ADGRG7: variants seen among roughly 807,000 people sequenced by gnomAD.
The protein encoded by ADGRG7 is adhesion G protein-coupled receptor G7, also known as G-protein coupled receptor 128.
In ADGRG7, 82 loss-of-function variants were observed where a neutral mutation model predicts 88.6. The ratio of observed to expected loss-of-function variants is 0.93; its 90% CI spans 0.77 to 1.11. The LOEUF (loss-of-function observed/expected upper bound fraction) is 1.11. ADGRG7 is among the 50% of genes most tolerant of loss of function. The probability of loss-of-function intolerance (pLI) is 0.00; values close to 1 mark genes in which losing one functional copy is unlikely to be tolerated. For missense variants in ADGRG7, 945 were observed against 953.4 expected (o/e 0.99, Z 0.12); for synonymous variants, 381 against 345.2 (o/e 1.10, Z -1.15).
intron 4 of ADGRG7, among the ~76,000 whole-genome samples, chr3:100,635,000 G>GACACACACACACAC (rs142620077): frequency 1.9e-4 from 28 of 146,778 alleles, no homozygotes; most frequent in African/African-American, 6.8e-4. Context: ...TGAAAACCAA[G>GACACACACACACAC]ACACACACAC....
intron 15 of ADGRG7, among the ~76,000 whole-genome samples, chr3:100,688,306 G>C (rs2149043312): frequency 6.6e-6 from 1 of 152,104 alleles, no homozygotes; most frequent in East Asian, 1.9e-4. Context: ...TATCAATTTT[G>C]TTGATCTTTT....
chr3:100,617,518 CTTCA>C (rs1707242688), intron 1 of ADGRG7, among the ~76,000 whole-genome samples: 1 of 152,068 alleles, frequency 6.6e-6, no homozygotes, highest in Non-Finnish European at 1.5e-5. Flanking sequence ...TGGTTTCCAG[CTTCA>C]TCCATGTCCC....
chr3:100,671,763 T>C (rs964077264), intron 15 of ADGRG7, among the ~76,000 whole-genome samples: 9 of 152,202 alleles, frequency 5.9e-5, no homozygotes, highest in African/African-American at 2.2e-4. Context: ...CAGTTTCAGT[T>C]TTCTGCATAT....
chr3:100,641,234 G>A (rs72921082), intron 6 of ADGRG7, among the ~76,000 whole-genome samples: 143 of 152,330 alleles, frequency 9.4e-4, no homozygotes, highest in African/African-American at 3.3e-3. Flanking sequence ...AAGTATATAA[G>A]TTTGGGATCA....
intron 15 of ADGRG7, among the ~76,000 whole-genome samples, chr3:100,670,512 A>C (rs557927000): frequency 1.3e-5 from 2 of 152,298 alleles, no homozygotes; most frequent in South Asian, 4.1e-4. Flanking sequence ...TTTCTTTTGG[A>C]TATATATCTA....
In ADGRG7 at chr3:100,669,208, C is replaced by T. The variant is rs2094955310; in HGVS notation, c.2136+103C>T. The T allele has an allele frequency of 9.3e-6, 9 of 964,022 alleles. No homozygotes were observed. In the South Asian group the frequency reaches 1.3e-4, roughly 14 times the overall value. The allele number at this position is 964,022 out of a possible 1,614,324, so 59.7% of individuals were successfully genotyped here. A position where few individuals can be genotyped will look rare whatever the true frequency, so the allele number is the denominator to read the frequency against. On this transcript the variant is annotated intron_variant, in intron 15 of 15. Transcript: ENST00000273352. Reference sequence around the variant, plus strand: ...GAGACTATTTTAAAAAAATCTAGGCCAGGCGCGGTGGCTCACGCCTGTAAT... The same window carrying T: ...GAGACTATTTTAAAAAAATCTAGGCTAGGCGCGGTGGCTCACGCCTGTAAT...
Position 100,694,860 on chromosome 3 carries a change from G to A in ADGRG7, c.2253G>A (p.Thr751=), listed in dbSNP as rs375772032. The A allele has an allele frequency of 4.9e-5, 79 of 1,614,026 alleles. No homozygotes were observed. Among genetic ancestry groups the A allele is most frequent in the Non-Finnish European group, 6.3e-5 (74 of 1,180,026 alleles). The change falls in exon 16 of 16, where the codon ACG becomes ACA. Residue 751 remains threonine (T), a synonymous_variant. Transcript: ENST00000273352. ...GAAGGAAGTCATTGCCTTCAGTGAC[G>A]CGGCCGAGGCTGCGTGTAAAGATGT... The part of the protein sequence containing the change: ...IGRRKSLPSV[T]RPRLRVKMYN...
Position 100,609,760 on chromosome 3 carries a change from T to C in ADGRG7, c.-97T>C. 1.2e-6 allele frequency: 1 copy of C among 857,578 alleles called. No individual in the cohort carries two copies. Among genetic ancestry groups the C allele is most frequent in the South Asian group, 1.5e-5 (1 of 66,992 alleles). The allele number at this position is 857,578 out of a possible 1,614,324, so 53.1% of individuals were successfully genotyped here. A position where few individuals can be genotyped will look rare whatever the true frequency, so the allele number is the denominator to read the frequency against. ...GATCACTGAGGGGAGGACTTGTTTT[T>C]CTGTTTTAGAATAGTTTCCGATTAA... On this transcript the variant is annotated 5_prime_UTR_variant, in exon 1 of 16. Coordinates refer to ENST00000273352, the MANE Select transcript of ADGRG7 (RefSeq NM_032787.3).
intron 15 of ADGRG7, among the ~76,000 whole-genome samples, chr3:100,687,602 G>T (rs1414040403): frequency 1.3e-5 from 2 of 152,060 alleles, no homozygotes; most frequent in Admixed American, 1.3e-4. Context: ...GTTGAATTTT[G>T]TCAAAGGCCT....
chr3:100,619,218 C>T (rs1707272353), intron 1 of ADGRG7, among the ~76,000 whole-genome samples: 1 of 152,164 alleles, frequency 6.6e-6, no homozygotes, highest in Non-Finnish European at 1.5e-5. Context: ...TCTCAGACCA[C>T]AGTGCAATCA....
At chr3:100,611,590 G>A (rs1707156012) in intron 1 of ADGRG7, among the ~76,000 whole-genome samples, 1 of 152,118 alleles carries the variant, frequency 6.6e-6, no homozygotes, top group African/African-American at 2.4e-5. Flanking sequence ...GGCATAATAA[G>A]TAATAAAGAT....
intron 1 of ADGRG7, among the ~76,000 whole-genome samples, chr3:100,611,244 T>TTTCCTTCCTTCCTTCCTTCCTTCC: frequency 1.5e-5 from 1 of 64,886 alleles, no homozygotes; most frequent in African/African-American, 3.3e-5. Context: ...TTTGTTTGTT[T>TTTCCTTCCTTCCTTCCTTCCTTCC]TTCCTTCCTT....
chr3:100,665,052 A>C (rs1254971118), intron 14 of ADGRG7: 1 of 483,050 alleles, frequency 2.1e-6, no homozygotes, highest in African/African-American at 2.0e-5. Context: ...AGTTCACATT[A>C]GTGGAAAAAT....
At chr3:100,646,279 A>G in intron 9 of ADGRG7, 171 bp downstream of exon 9, 1 of 648,864 alleles carries the variant, frequency 1.5e-6, no homozygotes, top group South Asian at 2.1e-5. Context: ...GAATAGCAAA[A>G]GCAGGGATAT....
chr3:100,695,132 A>G lies in ADGRG7; in HGVS notation c.*131A>G. On this transcript the variant is annotated 3_prime_UTR_variant, in exon 16 of 16. Coordinates refer to ENST00000273352, the MANE Select transcript of ADGRG7 (RefSeq NM_032787.3). Reference sequence around the variant, plus strand: ...TTGCTCAGGATTAAGAATTAGATAAAACCTGTTGTTTATTATTATTCGGCA... The same window carrying G: ...TTGCTCAGGATTAAGAATTAGATAAGACCTGTTGTTTATTATTATTCGGCA... The G allele has an allele frequency of 1.1e-6, 1 of 899,498 alleles. No individual in the cohort carries two copies. The highest frequency in any genetic ancestry group is 1.7e-6 in the Non-Finnish European group (1 of 596,506). The allele number at this position is 899,498 out of a possible 1,614,324, so 55.7% of individuals were successfully genotyped here.
intron 15 of ADGRG7, among the ~76,000 whole-genome samples, chr3:100,689,923 C>T (rs1003141042): frequency 2.0e-4 from 30 of 152,110 alleles, no homozygotes; most frequent in African/African-American, 7.0e-4. Context: ...TGTTGGCCTG[C>T]CTTGCTAGAT....
At chr3:100,616,205 T>A (rs1258426766) in intron 1 of ADGRG7, among the ~76,000 whole-genome samples, 1 of 152,040 alleles carries the variant, frequency 6.6e-6, no homozygotes, top group Non-Finnish European at 1.5e-5. Flanking sequence ...CATAAAAGTC[T>A]CATGGAAGAA....
At chr3:100,637,233 G>T in intron 5 of ADGRG7, 69 bp from the exon 6 acceptor site, 1 of 1,017,526 alleles carries the variant, frequency 9.8e-7, no homozygotes, top group Admixed American at 1.8e-5. Flanking sequence ...AATGATTCAT[G>T]ATGATAATGA....
chr3:100,638,677 G>A (rs1185219416), intron 6 of ADGRG7, among the ~76,000 whole-genome samples: 1 of 152,054 alleles, frequency 6.6e-6, no homozygotes. Flanking sequence ...TCTGCTTAGA[G>A]TTTCTCTGCC....
Sources: gnomAD v4.1 joint callset for allele counts (sites outside exome capture counted in the v4.1 genomes callset) on GRCh38, gnomAD v4.1.1 for gene constraint, MANE v1.5 for transcripts, NCBI Gene and HGNC (gene_info 2026-07-23, HGNC 2026-07-21) for gene names.